Variants in SOS1 observed in about 807,000 individuals in gnomAD.
The protein encoded by SOS1 is SOS Ras/Rac guanine nucleotide exchange factor 1.
Under a neutral mutation model 157.6 loss-of-function variants are expected in SOS1, and 25 were observed. The ratio of observed to expected loss-of-function variants is 0.16; its 90% CI spans 0.12 to 0.22. The LOEUF (loss-of-function observed/expected upper bound fraction) is 0.22, where lower values mean the gene tolerates loss of function less well. Ranked by LOEUF, SOS1 falls within the 10% of genes least tolerant of loss-of-function variation. The pLI, the probability that SOS1 is intolerant of heterozygous loss-of-function variation, is 1.00. For missense variants in SOS1, 1,237 were observed against 1,599.1 expected (o/e 0.77, Z 3.86); for synonymous variants, 528 against 534.0 (o/e 0.99, Z 0.16).
chr2:39,067,405 A>C (rs568794130), intron 2 of SOS1, among the ~76,000 whole-genome samples: 7 of 152,188 alleles, frequency 4.6e-5, no homozygotes, highest in African/African-American at 1.7e-4. Flanking sequence ...CAGTAAATAT[A>C]CTGAAAACAT....
At chr2:39,005,701 T>C (rs1669262298) in intron 17 of SOS1, among the ~76,000 whole-genome samples, 1 of 151,758 alleles carries the variant, frequency 6.6e-6, no homozygotes, top group Non-Finnish European at 1.5e-5. Context: ...TAAAACTATA[T>C]AAAAAATATA....
intron 1 of SOS1, among the ~76,000 whole-genome samples, chr2:39,103,974 A>C (rs1402705499): frequency 1.3e-5 from 2 of 152,174 alleles, no homozygotes; most frequent in East Asian, 1.9e-4. Context: ...AAACACAAAC[A>C]ACCAAATTAA....
At chr2:39,087,170 A>G (rs1457036085) in intron 1 of SOS1, among the ~76,000 whole-genome samples, 3 of 152,196 alleles carry the variant, frequency 2.0e-5, no homozygotes, top group South Asian at 2.1e-4. Flanking sequence ...AGGCCGCTTC[A>G]ATGCAAGGGA....
Position 39,012,165 on chromosome 2 carries a change from A to G in SOS1, c.2351T>C (p.Ile784Thr), listed in dbSNP as rs1335137808. Residue 784 changes from isoleucine (I) to threonine (T), a missense_variant, in exon 14 of 23, where the codon ATT becomes ACT. Transcript: ENST00000402219. ...TTCAAGTAAAGTGAGTTGTCGAGCA[A>G]TTTCTATTGGGTGTAAGGTGAGCAG... ...FDLLTLHPIE[I>T]ARQLTLLESD... 5 of 1,613,548 alleles carry G rather than the reference A, an allele frequency of 3.1e-6. No homozygotes were observed. Among genetic ancestry groups the G allele is most frequent in the Non-Finnish European group, 4.2e-6 (5 of 1,179,696 alleles).
chr2:39,000,890 A>C (rs1669075289), intron 17 of SOS1, among the ~76,000 whole-genome samples: 1 of 152,234 alleles, frequency 6.6e-6, no homozygotes, highest in Admixed American at 6.5e-5. Context: ...CCAGGATATG[A>C]GAATCAATTC....
intron 2 of SOS1, among the ~76,000 whole-genome samples, chr2:39,059,288 T>C (rs993165348): frequency 6.6e-6 from 1 of 152,162 alleles, no homozygotes; most frequent in East Asian, 1.9e-4. Context: ...TGGAAAGCAA[T>C]GGTTTGCATT....
At chr2:39,119,643 C>A (rs1323922105) in intron 1 of SOS1, among the ~76,000 whole-genome samples, 1 of 152,164 alleles carries the variant, frequency 6.6e-6, no homozygotes. Flanking sequence ...CATTTAAAAG[C>A]ACAGATCGGG....
At chr2:39,091,030 G>A (rs1275330062) in intron 1 of SOS1, among the ~76,000 whole-genome samples, 2 of 152,064 alleles carry the variant, frequency 1.3e-5, no homozygotes, top group South Asian at 2.1e-4. Context: ...CACCACACCT[G>A]GCTAATTTTT....
chr2:39,120,280 C>T, intron 1 of SOS1, 56 bp downstream of exon 1: 2 of 1,489,338 alleles, frequency 1.3e-6, no homozygotes, highest in Non-Finnish European at 9.0e-7. Flanking sequence ...CAGCCCTTCC[C>T]CAGCGCCCGC....
intron 4 of SOS1, 65 bp from the exon 5 acceptor site, chr2:39,054,888 A>C: frequency 1.1e-6 from 1 of 880,194 alleles, no homozygotes; most frequent in Non-Finnish European, 1.9e-6. Flanking sequence ...TTGATGTGAA[A>C]TGCTCTAAGT....
chr2:39,091,858 C>G (rs1672610612), intron 1 of SOS1, among the ~76,000 whole-genome samples: 1 of 152,212 alleles, frequency 6.6e-6, no homozygotes, highest in Admixed American at 6.5e-5. Flanking sequence ...CTTCATTTAA[C>G]TTCCAAGTCA....
intron 1 of SOS1, among the ~76,000 whole-genome samples, chr2:39,117,515 G>A (rs550590152): frequency 5.3e-5 from 8 of 152,170 alleles, no homozygotes; most frequent in Non-Finnish European, 1.0e-4. Context: ...GAGATAAAAG[G>A]TTATGGTAGA....
chr2:39,107,290 T>C (rs1459422709), intron 1 of SOS1, among the ~76,000 whole-genome samples: 1 of 152,176 alleles, frequency 6.6e-6, no homozygotes, highest in African/African-American at 2.4e-5. Flanking sequence ...ACTGTGTTTG[T>C]GTCGAGGCCA....
intron 5 of SOS1, among the ~76,000 whole-genome samples, chr2:39,053,619 G>A (rs1037712233): frequency 2.0e-5 from 3 of 152,124 alleles, no homozygotes; most frequent in East Asian, 1.9e-4. Context: ...CCCAGCCTCT[G>A]TAGTGAGCAC....
chr2:38,996,329 A>G (rs937036592), intron 19 of SOS1, among the ~76,000 whole-genome samples: 15 of 152,116 alleles, frequency 9.9e-5, no homozygotes, highest in Non-Finnish European at 1.6e-4. Flanking sequence ...ACCTCAGATG[A>G]TCCACCCGCC....
At chr2:38,996,372 G>A (rs1033379925) in intron 19 of SOS1, among the ~76,000 whole-genome samples, 1 of 152,160 alleles carries the variant, frequency 6.6e-6, no homozygotes, top group African/African-American at 2.4e-5. Flanking sequence ...TTACAGGCAC[G>A]AGCCACCGCA....
intron 1 of SOS1, 26 bp downstream of exon 1, chr2:39,120,310 G>A (rs1405399927): frequency 1.3e-6 from 2 of 1,554,268 alleles, no homozygotes; most frequent in Non-Finnish European, 1.7e-6. Flanking sequence ...CTGCGGCCGG[G>A]AAGCGGGGTC....
chr2:39,106,177 G>A (rs1673170904), intron 1 of SOS1, among the ~76,000 whole-genome samples: 1 of 106,052 alleles, frequency 9.4e-6, no homozygotes, highest in Admixed American at 1.1e-4. Flanking sequence ...CTGAGACTGT[G>A]CTACTGTACA....
intron 8 of SOS1, among the ~76,000 whole-genome samples, chr2:39,031,136 C>T (rs752786687): frequency 9.2e-5 from 14 of 152,278 alleles, no homozygotes; most frequent in East Asian, 1.9e-4. Flanking sequence ...CCTCTGACTT[C>T]GTGGTACTTT....
Sources: gnomAD v4.1 joint callset for allele counts (sites outside exome capture counted in the v4.1 genomes callset) on GRCh38, gnomAD v4.1.1 for gene constraint, MANE v1.5 for transcripts, NCBI Gene and HGNC (gene_info 2026-07-23, HGNC 2026-07-21) for gene names.